The following PPFIA1 variants were observed in gnomAD, a reference collection of about 807,000 sequenced individuals.
PPFIA1 encodes liprin-alpha-1.
PPFIA1 carries 25 observed loss-of-function variants against 149.9 expected under a neutral mutation model. The observed-to-expected ratio is 0.17, with a 90% CI of 0.12 to 0.23. PPFIA1 has a LOEUF of 0.23. PPFIA1 is among the 10% of genes least tolerant of loss of function. The probability of loss-of-function intolerance (pLI) is 1.00; values close to 1 mark genes in which losing one functional copy is unlikely to be tolerated. For synonymous variants in PPFIA1, 549 were observed against 552.8 expected (o/e 0.99, Z 0.10); for missense variants, 1,362 against 1,506.5 (o/e 0.90, Z 1.59).
At chr11:70,369,891 C>T (rs2057140145) in intron 21 of PPFIA1, among the ~76,000 whole-genome samples, 2 of 151,968 alleles carry the variant, frequency 1.3e-5, no homozygotes, top group Non-Finnish European at 2.9e-5. Flanking sequence ...CCTGCTTCAG[C>T]CTCCTGAGTA....
chr11:70,344,308 T>C (rs1444160663), intron 15 of PPFIA1, among the ~76,000 whole-genome samples: 1 of 152,140 alleles, frequency 6.6e-6, no homozygotes, highest in Non-Finnish European at 1.5e-5. Flanking sequence ...AGATGAAAGG[T>C]GTGCACGGTG....
chr11:70,326,207 A>T, intron 5 of PPFIA1, 55 bp from the exon 6 acceptor site: 1 of 1,027,846 alleles, frequency 9.7e-7, no homozygotes, highest in Non-Finnish European at 1.4e-6. Flanking sequence ...TGCTATCTTT[A>T]CTTATTTCTC....
chr11:70,348,162 G>T (rs746969862), intron 15 of PPFIA1, 27 bp from the exon 16 acceptor site: 1 of 1,605,098 alleles, frequency 6.2e-7, no homozygotes, highest in Non-Finnish European at 8.5e-7. Flanking sequence ...CGAAACAGGA[G>T]GACTGACTGC....
At chr11:70,334,450 G>A (rs2054851013) in intron 10 of PPFIA1, 1 of 152,178 alleles carries the variant, frequency 6.6e-6, no homozygotes, top group South Asian at 2.1e-4. Flanking sequence ...ATTTTAGGCA[G>A]TCCCCACCTC....
chr11:70,368,318 G>A (rs1169923154), intron 21 of PPFIA1, among the ~76,000 whole-genome samples: 3 of 152,294 alleles, frequency 2.0e-5, no homozygotes, highest in Middle Eastern at 3.4e-3. Context: ...TTAAATTAGA[G>A]AATTTGAGTT....
Position 70,362,405 on chromosome 11 carries a change from C to G in PPFIA1, c.2782C>G (p.Pro928Ala), listed in dbSNP as rs2056705141. The stretch of plus-strand genomic sequence containing the variant: ...CCAGCGTGAGATTGGCATCAGCAAC[C>G]CCCTGCACAGGCTGAAGCTGAGGCT... ...EIQREIGISN[P>A]LHRLKLRLAI... Residue 928 changes from proline to alanine, a missense_variant, in exon 21 of 28, where the codon CCC (proline) becomes GCC (alanine). This residue lies in a region of PPFIA1 where 349 missense variants were observed against 373.3 expected (regional missense o/e 0.93). Transcript: ENST00000253925. The G allele has an allele frequency of 6.2e-7, 1 of 1,614,070 alleles. No individual in the cohort carries two copies. The highest frequency in any genetic ancestry group is 1.1e-5 in the South Asian group (1 of 91,094).
At position 70,356,204 on chromosome 11, in the gene PPFIA1, A is replaced by C; in HGVS notation, c.2532A>C (p.Gly844=). The C allele has an allele frequency of 6.2e-7, 1 of 1,614,056 alleles. No individual in the cohort carries two copies. The highest frequency in any genetic ancestry group is 8.5e-7 in the Non-Finnish European group (1 of 1,180,020). ...ETDNSSQDAL[G]LSKLGGQAEK... ...ATAACTCATCTCAGGATGCCTTGGGACTTAGCAAATTGGGGGGACAGGCTG... is the reference window on the plus strand; with the variant it reads ...ATAACTCATCTCAGGATGCCTTGGGCCTTAGCAAATTGGGGGGACAGGCTG... Residue 844 remains glycine, a synonymous_variant, in exon 19 of 28, where the codon GGA becomes GGC. Coordinates refer to ENST00000253925, the MANE Select transcript of PPFIA1 (RefSeq NM_003626.5).
chr11:70,298,241 T>A (rs750750623), intron 2 of PPFIA1, among the ~76,000 whole-genome samples: 1 of 152,214 alleles, frequency 6.6e-6, no homozygotes. Context: ...ACAAGAAATA[T>A]TGCCTTTTTG....
intron 13 of PPFIA1, among the ~76,000 whole-genome samples, chr11:70,338,799 G>A (rs977459862): frequency 6.6e-6 from 1 of 152,266 alleles, no homozygotes; most frequent in East Asian, 1.9e-4. Context: ...CAGAGCAGTT[G>A]AAGGCCAGCA....
chr11:70,340,366 G>A (rs2055251790), intron 14 of PPFIA1, among the ~76,000 whole-genome samples: 1 of 152,142 alleles, frequency 6.6e-6, no homozygotes. Context: ...TTTGAGCCCC[G>A]GGAGGTCAAC....
chr11:70,368,925 C>T (rs2057090226), intron 21 of PPFIA1, among the ~76,000 whole-genome samples: 1 of 149,618 alleles, frequency 6.7e-6, no homozygotes, highest in South Asian at 2.1e-4. Context: ...TTCGTTTGTT[C>T]CTTATCTTAG....
intron 8 of PPFIA1, 46 bp from the exon 9 acceptor site, chr11:70,331,914 A>G: frequency 1.3e-6 from 2 of 1,570,702 alleles, no homozygotes; most frequent in African/African-American, 1.4e-5. Flanking sequence ...AAAACTGATC[A>G]GCTAGAAGAT....
chr11:70,342,936 CTT>C (rs71463672), intron 14 of PPFIA1, among the ~76,000 whole-genome samples: 6 of 78,170 alleles, frequency 7.7e-5, no homozygotes, highest in Admixed American at 2.9e-4. Context: ...AATGTACCAC[CTT>C]TTTTTTTTTT....
rs144282210 is a variant in PPFIA1 at position 70,324,906 on chromosome 11, C to T, written c.426C>T (p.Thr142=). 35 of 1,613,452 alleles carry T rather than the reference C, an allele frequency of 2.2e-5. No homozygotes were observed. In the African/African-American group the frequency reaches 2.3e-4, roughly 10 times the overall value. The change falls in exon 4 of 28, where the codon ACC becomes ACT. Residue 142 remains threonine, a synonymous_variant. Transcript: ENST00000253925. ...GGCATGAGCGGTCTCTTAGGATGAC[C>T]GTGGTGAAGAGACAAGCGCAGTCTC... ...VSRHERSLRM[T]VVKRQAQSPA...
At chr11:70,278,975 T>C in intron 2 of PPFIA1, 1 of 601,734 alleles carries the variant, frequency 1.7e-6, no homozygotes, top group Non-Finnish European at 3.2e-6. Context: ...GAATGACACC[T>C]TTACCAGCAA....
At chr11:70,283,014 A>G (rs1267651782) in intron 2 of PPFIA1, among the ~76,000 whole-genome samples, 1 of 149,724 alleles carries the variant, frequency 6.7e-6, no homozygotes, top group African/African-American at 2.5e-5. Flanking sequence ...TGATTTTTGT[A>G]TTTTTAGTAG....
rs747155912 is a variant in PPFIA1, at chr11:70,339,298, C to T, written c.1699C>T (p.Pro567Ser). 1.2e-6 allele frequency: 2 copies of T among 1,613,162 alleles called. No homozygotes were observed. Among genetic ancestry groups the T allele is most frequent in the Non-Finnish European group, 1.7e-6 (2 of 1,179,264 alleles). Residue 567 changes from proline to serine, a missense_variant, in exon 14 of 28, where the codon CCT (proline) becomes TCT (serine). By Grantham distance (74) the Pro-to-Ser change is moderately conservative (BLOSUM62 -1). Transcript: ENST00000253925. ...CCGGCTGGCAGCCCTGCGAGATGAG[C>T]CTTCCAAGGCAAGGTCTTTGTGTGA... Reference protein sequence around the residue: ...KGRLAALRDEPSKVQTLNEQD... With the variant: ...KGRLAALRDESSKVQTLNEQD...
intron 2 of PPFIA1, among the ~76,000 whole-genome samples, chr11:70,308,150 G>C (rs2052995467): frequency 6.6e-6 from 1 of 152,240 alleles, no homozygotes; most frequent in Non-Finnish European, 1.5e-5. Context: ...CTGGGATCAA[G>C]CGATTCTCCT....
intron 2 of PPFIA1, among the ~76,000 whole-genome samples, chr11:70,309,826 G>T (rs1565376573): frequency 1.3e-5 from 2 of 152,144 alleles, no homozygotes; most frequent in Non-Finnish European, 2.9e-5. Flanking sequence ...AAGCAGATTG[G>T]TGGGTGCCTA....
Sources: gnomAD v4.1 joint callset for allele counts (sites outside exome capture counted in the v4.1 genomes callset) on GRCh38, gnomAD v4.1.1 for gene constraint, gnomAD v4.1.1 regional missense constraint, MANE v1.5 for transcripts, NCBI Gene and HGNC (gene_info 2026-07-23, HGNC 2026-07-21) for gene names.